CACNA1D: variants seen among roughly 807,000 people sequenced by gnomAD.
The protein encoded by CACNA1D is voltage-dependent L-type calcium channel subunit alpha-1D.
In CACNA1D, 55 loss-of-function variants were observed where a neutral mutation model predicts 257.1. The ratio of observed to expected loss-of-function variants is 0.21; its 90% CI spans 0.17 to 0.27. The LOEUF is 0.27. Among genes scored for constraint, CACNA1D ranks in the 10% least tolerant of loss-of-function variants. CACNA1D has a pLI of 1.00. For synonymous variants in CACNA1D, 980 were observed against 1,014.9 expected, an observed-to-expected ratio of 0.97 and a Z score of 0.65; for missense variants, 1,876 against 2,784.0, an observed-to-expected ratio of 0.67 and a Z score of 7.34.
At chr3:53,650,375 AC>A (rs1281928919) in intron 3 of CACNA1D, among the ~76,000 whole-genome samples, 1 of 152,226 alleles carries the variant, frequency 6.6e-6, no homozygotes. Context: ...CTGTTCAAAG[AC>A]ACCATTGGAA....
At chr3:53,761,964 C>T (rs947410040) in intron 29 of CACNA1D, 34 bp from the exon 30 acceptor site, 2 of 1,452,790 alleles carry the variant, frequency 1.4e-6, no homozygotes, top group Admixed American at 1.7e-5. Context: ...TTCATACATG[C>T]TCATAAACAT....
rs1191833561 is a variant in CACNA1D at position 53,774,930 on chromosome 3, AG to A, written c.4202+253del. ...CATAAGGTTTATTCATTTGGGAGTTAGTAGGGCTACTTAGGCCACCTGAAAA... is the reference window on the plus strand; with the variant it reads ...CATAAGGTTTATTCATTTGGGAGTTATAGGGCTACTTAGGCCACCTGAAAA... On this transcript the variant is annotated intron_variant, in intron 34 of 47. Transcript: ENST00000350061. This position sits in a 1 kb window ranked among gnomAD's most constrained non-coding sequence, Gnocchi z 4.3. Among the ~76,000 whole-genome samples the A allele has an allele frequency of 4.6e-5, 7 of 152,226 alleles. No homozygotes were observed. The highest frequency in any genetic ancestry group is 1.0e-4 in the Non-Finnish European group (7 of 68,042).
chr3:53,611,852 C>A (rs751378174), intron 3 of CACNA1D, among the ~76,000 whole-genome samples: 1 of 152,152 alleles, frequency 6.6e-6, no homozygotes, highest in Non-Finnish European at 1.5e-5. Context: ...CTGTTACAAT[C>A]ACACAACTCT....
At chr3:53,607,156 T>C (rs1394356346) in intron 3 of CACNA1D, among the ~76,000 whole-genome samples, 2 of 152,246 alleles carry the variant, frequency 1.3e-5, no homozygotes, top group East Asian at 1.9e-4. Context: ...TACACACATA[T>C]ATGCTTTTAT....
chr3:53,779,494 C>T (rs982675419), intron 37 of CACNA1D, among the ~76,000 whole-genome samples: 10 of 152,008 alleles, frequency 6.6e-5, no homozygotes, highest in Admixed American at 5.9e-4. Context: ...AATTGGCTCA[C>T]GTGATCATGG....
chr3:53,773,250 G>C (rs1029503114), intron 33 of CACNA1D, among the ~76,000 whole-genome samples: 1 of 152,124 alleles, frequency 6.6e-6, no homozygotes, highest in East Asian at 1.9e-4. Context: ...AGTCTGTGCC[G>C]AGCCGTCGCG....
chr3:53,714,459 T>C (rs1269519226), intron 9 of CACNA1D, among the ~76,000 whole-genome samples: 1 of 152,248 alleles, frequency 6.6e-6, no homozygotes, highest in Non-Finnish European at 1.5e-5. Flanking sequence ...TCTTTCTGTC[T>C]GGATTTTTAT....
chr3:53,556,182 G>A (rs1261292081), intron 3 of CACNA1D, among the ~76,000 whole-genome samples: 2 of 152,176 alleles, frequency 1.3e-5, no homozygotes, highest in Non-Finnish European at 1.5e-5. Flanking sequence ...CCATTTATCT[G>A]TTGAAGGAAA....
intron 23 of CACNA1D, among the ~76,000 whole-genome samples, chr3:53,745,260 A>C (rs2108840228): frequency 6.6e-6 from 1 of 150,640 alleles, no homozygotes; most frequent in East Asian, 1.9e-4. Context: ...TTTTTCTTTG[A>C]AACGGAGTCT....
At chr3:53,809,126 G>C (rs996632867) in intron 46 of CACNA1D, 1 of 271,912 alleles carries the variant, frequency 3.7e-6, no homozygotes, top group Admixed American at 4.9e-5. Flanking sequence ...CTGAACAAGC[G>C]GTGCAGCCCT....
At chr3:53,531,018 ATT>A (rs11328561) in intron 3 of CACNA1D, among the ~76,000 whole-genome samples, 2,417 of 118,874 alleles carry the variant, frequency 0.02, 55 homozygotes, top group African/African-American at 0.06. Context: ...GCTAATTTTA[ATT>A]TTTTTTTTTT....
At chr3:53,564,347 T>C (rs1290730592) in intron 3 of CACNA1D, among the ~76,000 whole-genome samples, 1 of 151,974 alleles carries the variant, frequency 6.6e-6, no homozygotes, top group Non-Finnish European at 1.5e-5. Context: ...TTTTAGTAGA[T>C]ACAGGGTTTC....
In CACNA1D at chr3:53,743,265, T is replaced by C; in HGVS notation, c.2918+148T>C. On this transcript the variant is annotated intron_variant, in intron 22 of 47. Coordinates refer to ENST00000350061, the MANE Select transcript of CACNA1D (RefSeq NM_001128840.3). ...TAATTTGCTCCCATTCCAGAAAGAT[T>C]TAAACAATTCATGTTTTCTTGTGTG... 3 of 647,004 alleles carry C rather than the reference T, an allele frequency of 4.6e-6. No individual in the cohort carries two copies. The East Asian group carries it at 7.9e-5, about 17-fold the overall frequency. 40.1% of individuals were successfully genotyped at this position (647,004 alleles called of 1,614,324 possible). A position where few individuals can be genotyped will look rare whatever the true frequency, so the allele number is the denominator to read the frequency against.
chr3:53,737,192 C>T (rs1198801417), intron 20 of CACNA1D, among the ~76,000 whole-genome samples: 3 of 151,260 alleles, frequency 2.0e-5, no homozygotes, highest in Non-Finnish European at 4.4e-5. Flanking sequence ...CCCGACTACT[C>T]GGGAGGCTGA....
intron 3 of CACNA1D, among the ~76,000 whole-genome samples, chr3:53,590,123 C>T (rs1313011793): frequency 6.6e-6 from 1 of 152,246 alleles, no homozygotes; most frequent in Non-Finnish European, 1.5e-5. Context: ...AGCTAGTGGT[C>T]CTGGCCCTGC....
In CACNA1D at chr3:53,543,059, C is replaced by T. The variant is rs868377054; in HGVS notation, c.483+41339C>T. Among the ~76,000 whole-genome samples the T allele has an allele frequency of 4.9e-5, 7 of 142,534 alleles. No individual in the cohort carries two copies. In the Middle Eastern group the frequency reaches 0.017, roughly 356 times the overall value. 93.5% of individuals were successfully genotyped at this position (142,534 alleles called of 152,430 possible). On this transcript the variant is annotated intron_variant, in intron 3 of 47. Coordinates refer to ENST00000350061, the MANE Select transcript of CACNA1D (RefSeq NM_001128840.3). Reference sequence around the variant, plus strand: ...AAGAGCGAAACTCCGACTACATGTACCCTAAAACTTAAAGTATAATAATAA... The same window carrying T: ...AAGAGCGAAACTCCGACTACATGTATCCTAAAACTTAAAGTATAATAATAA...
At chr3:53,651,061 C>A in intron 4 of CACNA1D, 143 bp downstream of exon 4, 2 of 733,838 alleles carry the variant, frequency 2.7e-6, no homozygotes, top group East Asian at 2.6e-5. Flanking sequence ...CTCAGGAGTT[C>A]TTTTAAGGCT....
chr3:53,536,678 A>G lies in CACNA1D; in HGVS notation c.483+34958A>G, dbSNP rs574150958. The stretch of plus-strand genomic sequence containing the variant: ...ATGTTTGAACAAATAGCTGAAGAAT[A>G]GTAATATCTTGTGACATATAAAAAT... On this transcript the variant is annotated intron_variant, in intron 3 of 47. Transcript: ENST00000350061. Among the ~76,000 whole-genome samples, 8 of 152,374 alleles carry G rather than the reference A, an allele frequency of 5.3e-5. No homozygotes were observed. The East Asian group carries it at 1.5e-3, about 29-fold the overall frequency.
At chr3:53,533,031 G>A (rs915129227) in intron 3 of CACNA1D, among the ~76,000 whole-genome samples, 37 of 152,210 alleles carry the variant, frequency 2.4e-4, no homozygotes, top group African/African-American at 8.9e-4. Flanking sequence ...TTTGCACTTC[G>A]ACCTAGGCTC....
Sources: gnomAD v4.1 joint callset for allele counts (sites outside exome capture counted in the v4.1 genomes callset) on GRCh38, gnomAD v4.1.1 for gene constraint, Gnocchi (gnomAD v3.1) non-coding constraint, MANE v1.5 for transcripts, NCBI Gene and HGNC (gene_info 2026-07-23, HGNC 2026-07-21) for gene names.